Variants in ELAVL1 observed in about 807,000 individuals in gnomAD.
ELAVL1 encodes ELAV-like protein 1.
Under a neutral mutation model 28.4 loss-of-function variants are expected in ELAVL1, and 1 was observed. That is an observed-to-expected ratio of 0.04 (90% CI 0.01 to 0.17). ELAVL1 has a LOEUF of 0.17. Among genes scored for constraint, ELAVL1 ranks in the 10% least tolerant of loss-of-function variants. The pLI is 1.00. For synonymous variants in ELAVL1, 174 were observed against 183.5 expected (o/e 0.95, Z 0.42); for missense variants, 157 against 447.2 (o/e 0.35, Z 5.85).
At chr19:8,001,914 G>A (rs2081069315) in intron 1 of ELAVL1, 7 of 504,680 alleles carry the variant, frequency 1.4e-5, no homozygotes, top group South Asian at 1.2e-4. Flanking sequence ...TCCCAGTCCT[G>A]ACCCTCAAGC....
chr19:7,997,360 T>C (rs2081053231), intron 1 of ELAVL1, among the ~76,000 whole-genome samples: 1 of 152,160 alleles, frequency 6.6e-6, no homozygotes, highest in African/African-American at 2.4e-5. Flanking sequence ...CACCTGGCAA[T>C]AAAAGGTATC....
chr19:7,989,163 G>C (rs1183061706), intron 2 of ELAVL1, among the ~76,000 whole-genome samples: 1 of 152,174 alleles, frequency 6.6e-6, no homozygotes, highest in Non-Finnish European at 1.5e-5. Context: ...GCTGGGGAGA[G>C]GGGTGGTGAG....
chr19:7,993,360 C>T (rs1366897829), intron 1 of ELAVL1, among the ~76,000 whole-genome samples: 2 of 152,274 alleles, frequency 1.3e-5, no homozygotes, highest in Admixed American at 6.5e-5. Flanking sequence ...CTGAACCCCA[C>T]CCCTGGACAC....
chr19:7,965,827 A>C (rs1984942275), intron 5 of ELAVL1, among the ~76,000 whole-genome samples: 1 of 152,084 alleles, frequency 6.6e-6, no homozygotes, highest in Admixed American at 6.6e-5. Context: ...AGCAGGACCG[A>C]CTGTATGATG....
intron 1 of ELAVL1, among the ~76,000 whole-genome samples, chr19:7,993,009 T>G (rs1194680644): frequency 6.6e-6 from 1 of 152,174 alleles, no homozygotes; most frequent in African/African-American, 2.4e-5. Context: ...CCTCAAGTAA[T>G]CCTTCCATCT....
In ELAVL1 at chr19:7,979,133, G is replaced by A. The variant is rs1289950762; in HGVS notation, c.276+1950C>T. Among the ~76,000 whole-genome samples the A allele has an allele frequency of 1.3e-5, 2 of 152,206 alleles. No individual in the cohort carries two copies. Among genetic ancestry groups the A allele is most frequent in the Non-Finnish European group, 2.9e-5 (2 of 68,030 alleles). ...AGAGGAGCCAGGCCCAGGGAGCCTC[G>A]GGGAGACCTGGGGAGAAATTACTTA... On this transcript the variant is annotated intron_variant, in intron 3 of 5. Coordinates refer to ENST00000407627, the MANE Select transcript of ELAVL1 (RefSeq NM_001419.3). This position sits in a 1 kb window ranked among gnomAD's most constrained non-coding sequence, Gnocchi z 5.4.
chr19:7,995,160 T>C (rs566544012), intron 1 of ELAVL1, among the ~76,000 whole-genome samples: 1 of 152,364 alleles, frequency 6.6e-6, no homozygotes, highest in African/African-American at 2.4e-5. Flanking sequence ...AATAGATCAC[T>C]GGCTCAAAAA....
At chr19:7,987,432 G>A (rs1018574461) in intron 2 of ELAVL1, among the ~76,000 whole-genome samples, 4 of 152,158 alleles carry the variant, frequency 2.6e-5, no homozygotes, top group African/African-American at 7.2e-5. Flanking sequence ...ACCACCGGGC[G>A]CTGCAGTGGC....
chr19:7,973,669 A>T (rs1213569994), intron 4 of ELAVL1, 56 bp downstream of exon 4: 8 of 1,566,788 alleles, frequency 5.1e-6, no homozygotes, highest in Non-Finnish European at 6.1e-6. Context: ...TTCCCTAGAA[A>T]ACCCAGCCCC....
chr19:7,967,535 C>G (rs1333846564), intron 5 of ELAVL1, 30 bp downstream of exon 5: 6 of 1,607,026 alleles, frequency 3.7e-6, no homozygotes, highest in Middle Eastern at 2.0e-4. Flanking sequence ...CTAAGTATGG[C>G]TTTCAGGAGC....
chr19:7,974,963 C>T (rs1177495812), intron 3 of ELAVL1, among the ~76,000 whole-genome samples: 5 of 152,182 alleles, frequency 3.3e-5, no homozygotes, highest in African/African-American at 1.2e-4. Context: ...CAGGACAGCC[C>T]CACGAGGAGA....
intron 3 of ELAVL1, among the ~76,000 whole-genome samples, chr19:7,977,667 G>C (rs894299608): frequency 1.8e-4 from 27 of 152,356 alleles, no homozygotes; most frequent in Non-Finnish European, 4.4e-5. Context: ...TGAGGAGACA[G>C]GACTCCTCCT....
chr19:7,959,111 CT>C lies in ELAVL1; in HGVS notation c.*4371del, dbSNP rs199580649. 1.5e-4 allele frequency: 22 copies of C among 144,726 alleles called. No homozygotes were observed. Among genetic ancestry groups the C allele is most frequent in the Non-Finnish European group, 2.0e-4 (13 of 65,322 alleles). The allele number at this position is 144,726 out of a possible 1,614,324, so 9.0% of individuals were successfully genotyped here. A position where few individuals can be genotyped will look rare whatever the true frequency, so the allele number is the denominator to read the frequency against. On this transcript the variant is annotated 3_prime_UTR_variant, in exon 6 of 6. Transcript: ENST00000407627. Reference sequence around the variant, plus strand: ...TGATGGAAAACTGATAAGGGCTTTTCTTTTTTTTTTTCTGAAAATAATTTAA... The same window carrying C: ...TGATGGAAAACTGATAAGGGCTTTTCTTTTTTTTTTCTGAAAATAATTTAA...
At chr19:7,965,598 C>T (rs932416003) in intron 5 of ELAVL1, among the ~76,000 whole-genome samples, 1 of 152,116 alleles carries the variant, frequency 6.6e-6, no homozygotes, top group Non-Finnish European at 1.5e-5. Context: ...CAGACTCTCC[C>T]GCCCTCCCCA....
At chr19:8,004,364 T>C (rs2081079659) in intron 1 of ELAVL1, among the ~76,000 whole-genome samples, 1 of 152,196 alleles carries the variant, frequency 6.6e-6, no homozygotes, top group Non-Finnish European at 1.5e-5. Flanking sequence ...ATTAGAACTT[T>C]TGGAGGAAGA....
rs1984837636 is a variant in ELAVL1 at position 7,962,484 on chromosome 19, T to C, written c.*999A>G. Reference sequence around the variant, plus strand: ...AAGAAGTAAGTACTTTTCTGCTGAGTGTTCATACAAAAGCAAAATTCCAAA... The same window carrying C: ...AAGAAGTAAGTACTTTTCTGCTGAGCGTTCATACAAAAGCAAAATTCCAAA... On this transcript the variant is annotated 3_prime_UTR_variant, in exon 6 of 6. Coordinates refer to ENST00000407627, the MANE Select transcript of ELAVL1 (RefSeq NM_001419.3). The C allele has an allele frequency of 6.6e-6, 1 of 152,596 alleles. No individual in the cohort carries two copies. Among genetic ancestry groups the C allele is most frequent in the Non-Finnish European group, 1.5e-5 (1 of 68,036 alleles). 9.5% of individuals were successfully genotyped at this position (152,596 alleles called of 1,614,324 possible). A position where few individuals can be genotyped will look rare whatever the true frequency, so the allele number is the denominator to read the frequency against.
In ELAVL1 at chr19:7,961,373, G is replaced by A. The variant is rs1189797737; in HGVS notation, c.*2110C>T. ...TGTTGGCTCCCACCTTCCATCAGAA[G>A]GGTGTTGGCTCCCACCTTCCATCAG... is the stretch of plus-strand genomic sequence containing the variant. On this transcript the variant is annotated 3_prime_UTR_variant, in exon 6 of 6. Transcript: ENST00000407627. 1 of 151,408 alleles carries A rather than the reference G, an allele frequency of 6.6e-6. No individual in the cohort carries two copies. The highest frequency in any genetic ancestry group is 1.5e-5 in the Non-Finnish European group (1 of 67,622). The allele number at this position is 151,408 out of a possible 1,614,324, so 9.4% of individuals were successfully genotyped here.
At chr19:8,002,691 C>G (rs2081072291) in intron 1 of ELAVL1, among the ~76,000 whole-genome samples, 1 of 152,212 alleles carries the variant, frequency 6.6e-6, no homozygotes, top group Non-Finnish European at 1.5e-5. Context: ...GAGTGGCAGT[C>G]AGACGAGGCT....
intron 2 of ELAVL1, among the ~76,000 whole-genome samples, chr19:7,985,048 T>G (rs909027105): frequency 1.3e-5 from 2 of 152,156 alleles, no homozygotes; most frequent in Non-Finnish European, 2.9e-5. Context: ...GCCCCCCAAG[T>G]AGCTGGGACT....
Sources: allele counts gnomAD v4.1 joint callset (sites outside exome capture counted in the v4.1 genomes callset), GRCh38; gene constraint gnomAD v4.1.1; non-coding constraint Gnocchi (gnomAD v3.1); transcripts MANE v1.5; gene names NCBI Gene and HGNC (gene_info 2026-07-23, HGNC 2026-07-21).